ARID2: variants seen among roughly 807,000 people sequenced by gnomAD.
The protein encoded by ARID2 is AT-rich interactive domain-containing protein 2.
ARID2 carries 32 observed loss-of-function variants against 184.6 expected under a neutral mutation model. The ratio of observed to expected loss-of-function variants is 0.17; its 90% CI spans 0.13 to 0.23. ARID2 has a LOEUF of 0.23. Ranked by LOEUF, ARID2 falls within the 10% of genes least tolerant of loss-of-function variation. The pLI is 1.00. For missense variants in ARID2, 1,696 were observed against 2,197.6 expected (o/e 0.77, Z 4.56); for synonymous variants, 836 against 772.6 (o/e 1.08, Z -1.36).
intron 4 of ARID2, among the ~76,000 whole-genome samples, chr12:45,816,853 G>A (rs1345746633): frequency 1.3e-5 from 2 of 152,190 alleles, no homozygotes; most frequent in African/African-American, 4.8e-5. Context: ...TGATAGGAAA[G>A]TAAATTTGAT....
chr12:45,823,598 TA>T (rs1380108497), intron 6 of ARID2, among the ~76,000 whole-genome samples: 5 of 151,784 alleles, frequency 3.3e-5, no homozygotes, highest in African/African-American at 1.2e-4. Flanking sequence ...GTCAGAAACA[TA>T]AAAGGAGACA....
chr12:45,877,899 T>C (rs145751210), intron 16 of ARID2, among the ~76,000 whole-genome samples: 1 of 152,366 alleles, frequency 6.6e-6, no homozygotes, highest in African/African-American at 2.4e-5. Context: ...TTAACATTTC[T>C]TGTGAAGCAA....
At chr12:45,788,131 T>C (rs769592188) in intron 3 of ARID2, among the ~76,000 whole-genome samples, 1 of 152,232 alleles carries the variant, frequency 6.6e-6, no homozygotes, top group African/African-American at 2.4e-5. Flanking sequence ...CGTAGAACTT[T>C]AGAGAGATCA....
At chr12:45,839,188 C>G in intron 10 of ARID2, 141 bp from the exon 11 acceptor site, 1 of 850,112 alleles carries the variant, frequency 1.2e-6, no homozygotes, top group Non-Finnish European at 1.7e-6. Flanking sequence ...TTTAAAGATG[C>G]ACAGGTAATT....
intron 16 of ARID2, chr12:45,882,292 C>T (rs960046710): frequency 2.6e-5 from 4 of 152,320 alleles, no homozygotes; most frequent in African/African-American, 9.6e-5. Flanking sequence ...ACTTCTCTGC[C>T]TCCAGGTGAG....
intron 3 of ARID2, among the ~76,000 whole-genome samples, chr12:45,778,492 G>GGCAGAGAGAGAAGTAATAAAAGACT (rs1434553442): frequency 3.3e-5 from 5 of 151,994 alleles, no homozygotes; most frequent in African/African-American, 9.7e-5. Flanking sequence ...AGGTAGAGAA[G>GGCAGAGAGAGAAGTAATAAAAGACT]GCAGAGAGAG....
chr12:45,907,538 C>G lies in ARID2; in HGVS notation c.*2460C>G, dbSNP rs1044133536. On this transcript the variant is annotated 3_prime_UTR_variant, in exon 21 of 21. Coordinates refer to ENST00000334344, the MANE Select transcript of ARID2 (RefSeq NM_152641.4). The stretch of plus-strand genomic sequence containing the variant: ...ATGCGTTTGACCTAATGAAACTGAT[C>G]ATGGCTTCCCACTTAGGTTTTTCTT... 4.3e-6 allele frequency: 1 copy of G among 233,202 alleles called. No individual in the cohort carries two copies. The highest frequency in any genetic ancestry group is 1.3e-3 in the Middle Eastern group (1 of 782). 14.4% of individuals were successfully genotyped at this position (233,202 alleles called of 1,614,324 possible).
intron 11 of ARID2, 143 bp from the exon 12 acceptor site, chr12:45,846,713 T>TC: frequency 1.5e-6 from 1 of 646,496 alleles, no homozygotes. Flanking sequence ...AGGTTTGTTC[T>TC]CAAATGTGTA....
At chr12:45,897,856 T>A (rs888237151) in intron 20 of ARID2, among the ~76,000 whole-genome samples, 3 of 152,104 alleles carry the variant, frequency 2.0e-5, no homozygotes, top group African/African-American at 4.8e-5. Context: ...TTTTTTTTTT[T>A]ATCTTTGAGA....
chr12:45,861,741 T>C (rs1490768912), intron 16 of ARID2, among the ~76,000 whole-genome samples: 1 of 151,870 alleles, frequency 6.6e-6, no homozygotes, highest in Non-Finnish European at 1.5e-5. Context: ...TGTGCCACCA[T>C]CCCTGGCTAA....
Position 45,905,761 on chromosome 12 carries a change from C to A in ARID2, c.*683C>A. ...CACTGGAAATACATTCTGTGGTGTC[C>A]TAGAAGCATTATTGGTAGGTTCTAA... On this transcript the variant is annotated 3_prime_UTR_variant, in exon 21 of 21. Transcript: ENST00000334344. 4.3e-6 allele frequency: 1 copy of A among 232,752 alleles called. No homozygotes were observed. The highest frequency in any genetic ancestry group is 8.5e-6 in the Non-Finnish European group (1 of 117,638). 14.4% of individuals were successfully genotyped at this position (232,752 alleles called of 1,614,324 possible). A position where few individuals can be genotyped will look rare whatever the true frequency, so the allele number is the denominator to read the frequency against.
At chr12:45,773,883 C>G (rs1941927018) in intron 3 of ARID2, among the ~76,000 whole-genome samples, 1 of 152,058 alleles carries the variant, frequency 6.6e-6, no homozygotes, top group South Asian at 2.1e-4. Context: ...GACAGATGTA[C>G]CTTCTTACAG....
At chr12:45,849,950 A>G in intron 14 of ARID2, 86 bp from the exon 15 acceptor site, 1 of 1,488,484 alleles carries the variant, frequency 6.7e-7, no homozygotes, top group Non-Finnish European at 8.9e-7. Context: ...AATTTCTTAA[A>G]ACTATTTTCT....
chr12:45,781,548 G>A (rs531463114), intron 3 of ARID2, among the ~76,000 whole-genome samples: 33 of 150,712 alleles, frequency 2.2e-4, no homozygotes, highest in Admixed American at 1.4e-3. Context: ...ATATATTTTC[G>A]CCAAGTTGAG....
chr12:45,859,123 T>A (rs1234046064), intron 15 of ARID2, among the ~76,000 whole-genome samples: 1 of 152,232 alleles, frequency 6.6e-6, no homozygotes, highest in African/African-American at 2.4e-5. Context: ...TCCCACCTAT[T>A]GCCAGTACAG....
intron 20 of ARID2, among the ~76,000 whole-genome samples, chr12:45,899,725 TTA>T (rs372531225): frequency 2.7e-5 from 3 of 109,098 alleles, no homozygotes; most frequent in Non-Finnish European, 6.4e-5. Flanking sequence ...ATATATATGG[TTA>T]TATATATATG....
intron 16 of ARID2, chr12:45,882,302 G>A (rs541282249): frequency 3.3e-5 from 5 of 152,308 alleles, no homozygotes; most frequent in Admixed American, 3.3e-4. Flanking sequence ...CTCCAGGTGA[G>A]AGCCTACTTC....
At chr12:45,740,710 C>T (rs1219284067) in intron 3 of ARID2, among the ~76,000 whole-genome samples, 3 of 152,132 alleles carry the variant, frequency 2.0e-5, no homozygotes, top group Admixed American at 6.5e-5. Flanking sequence ...CCTTTTATAG[C>T]AATCATATCC....
rs1940932726 is a variant in ARID2 at position 45,729,751 on chromosome 12, T to C, written c.-86T>C. On this transcript the variant is annotated 5_prime_UTR_variant, in exon 1 of 21. Coordinates refer to ENST00000334344, the MANE Select transcript of ARID2 (RefSeq NM_152641.4). ...CGCCGCCGCCGGCCGAGGAATGGGC[T>C]CCGGGCTCTGGTAGGAAGCGCTGGG... 7 of 1,364,578 alleles carry C rather than the reference T, an allele frequency of 5.1e-6. No homozygotes were observed. Among genetic ancestry groups the C allele is most frequent in the Non-Finnish European group, 7.1e-6 (7 of 988,298 alleles). 84.5% of individuals were successfully genotyped at this position (1,364,578 alleles called of 1,614,324 possible).
Sources: allele counts gnomAD v4.1 joint callset (sites outside exome capture counted in the v4.1 genomes callset), GRCh38; gene constraint gnomAD v4.1.1; transcripts MANE v1.5; gene names NCBI Gene and HGNC (gene_info 2026-07-23, HGNC 2026-07-21).